Variants in PKP4 observed in about 807,000 individuals in gnomAD.
PKP4 encodes the protein plakophilin 4.
In PKP4, 90 loss-of-function variants were observed where a neutral mutation model predicts 145.1. That is an observed-to-expected ratio of 0.62 (90% CI 0.52 to 0.74). The LOEUF is 0.74. Among genes scored for constraint, PKP4 ranks in the 30% least tolerant of loss-of-function variants. PKP4 has a pLI of 0.00. For synonymous variants in PKP4, 563 were observed against 577.2 expected (o/e 0.98, Z 0.35); for missense variants, 1,340 against 1,482.7 (o/e 0.90, Z 1.58).
intron 15 of PKP4, among the ~76,000 whole-genome samples, chr2:158,664,578 A>G (rs1441429965): frequency 1.3e-5 from 2 of 152,240 alleles, no homozygotes; most frequent in Non-Finnish European, 2.9e-5. Flanking sequence ...CAAGATAGTG[A>G]AAAGCATTGA....
At chr2:158,656,936 A>G (rs1250800893) in intron 11 of PKP4, among the ~76,000 whole-genome samples, 1 of 152,182 alleles carries the variant, frequency 6.6e-6, no homozygotes, top group Non-Finnish European at 1.5e-5. Context: ...CAGCTGGAGC[A>G]GCAGTGCTCA....
In PKP4 at chr2:158,484,674, C is replaced by T. The variant is rs866924864; in HGVS notation, c.-6+27456C>T. Among the ~76,000 whole-genome samples, 6 of 152,150 alleles carry T rather than the reference C, an allele frequency of 3.9e-5. No homozygotes were observed. The South Asian group carries it at 1.2e-3, about 31-fold the overall frequency. On this transcript the variant is annotated intron_variant, in intron 1 of 21. Transcript: ENST00000389759. ...CTGTGATAAAGATGATGACAATCAG[C>T]CTTTATACCAAGTGGCATTTTATAG... is the stretch of plus-strand genomic sequence containing the variant.
chr2:158,526,117 C>G (rs1358104873), intron 1 of PKP4, among the ~76,000 whole-genome samples: 2 of 149,748 alleles, frequency 1.3e-5, no homozygotes, highest in African/African-American at 2.5e-5. Context: ...AGAGGGAATC[C>G]TCCCTAACTC....
chr2:158,538,615 C>G (rs1026685871), intron 2 of PKP4, among the ~76,000 whole-genome samples: 1 of 148,820 alleles, frequency 6.7e-6, no homozygotes, highest in African/African-American at 2.5e-5. Flanking sequence ...TCTTGGCTCA[C>G]TGCAACCTCC....
At chr2:158,626,181 T>G (rs2052769803) in intron 7 of PKP4, among the ~76,000 whole-genome samples, 1 of 152,232 alleles carries the variant, frequency 6.6e-6, no homozygotes. Flanking sequence ...CCTTTTACCC[T>G]CACCCAGTCC....
intron 4 of PKP4, among the ~76,000 whole-genome samples, chr2:158,609,229 T>G (rs2050920140): frequency 6.6e-6 from 1 of 152,180 alleles, no homozygotes; most frequent in Non-Finnish European, 1.5e-5. Context: ...TGACAATTGT[T>G]TTTTTTCTTT....
At chr2:158,654,914 A>T (rs146793730) in intron 11 of PKP4, among the ~76,000 whole-genome samples, 5 of 152,234 alleles carry the variant, frequency 3.3e-5, no homozygotes, top group Admixed American at 6.5e-5. Context: ...CAACATATAT[A>T]TAAAAGGATG....
At chr2:158,467,860 AT>A (rs1372231852) in intron 1 of PKP4, among the ~76,000 whole-genome samples, 4 of 152,196 alleles carry the variant, frequency 2.6e-5, no homozygotes, top group Admixed American at 1.3e-4. Context: ...AAATAAAAAA[AT>A]AAAAAAAGAA....
chr2:158,548,144 T>C (rs750566753), intron 2 of PKP4, among the ~76,000 whole-genome samples: 9 of 152,138 alleles, frequency 5.9e-5, no homozygotes, highest in South Asian at 2.1e-4. Flanking sequence ...TTTACTGAAA[T>C]AACATAAGGA....
At chr2:158,553,408 T>G (rs2045803505) in intron 2 of PKP4, among the ~76,000 whole-genome samples, 1 of 152,202 alleles carries the variant, frequency 6.6e-6, no homozygotes, top group Admixed American at 6.5e-5. Flanking sequence ...ACTTGTTTAA[T>G]GGCACAAATA....
chr2:158,625,030 C>A lies in PKP4; in HGVS notation c.756C>A (p.Asp252Glu), dbSNP rs751683792. 7 of 1,614,184 alleles carry A rather than the reference C, an allele frequency of 4.3e-6. No individual in the cohort carries two copies. Among genetic ancestry groups the A allele is most frequent in the Non-Finnish European group, 5.1e-6 (6 of 1,180,008 alleles). Residue 252 changes from aspartate (D) to glutamate (E), a missense_variant, in exon 7 of 22, where the codon GAC becomes GAA. Physicochemically the swap from Asp to Glu is conservative, Grantham distance 45. Transcript: ENST00000389759. ...GSGFGSPSVTDPRPLNPSAYS... is the reference protein window; with the variant it reads ...GSGFGSPSVTEPRPLNPSAYS... ...GATTTGGCTCTCCGTCAGTGACCGA[C>A]CCCCGACCTCTGAACCCCAGTGCAT... is the stretch of plus-strand genomic sequence containing the variant.
intron 2 of PKP4, among the ~76,000 whole-genome samples, chr2:158,559,918 G>A (rs2046379460): frequency 6.6e-6 from 1 of 151,980 alleles, no homozygotes. Context: ...CCAGGCTGGA[G>A]TGCAGTGGCG....
At chr2:158,618,125 G>A (rs977874324) in intron 4 of PKP4, among the ~76,000 whole-genome samples, 1 of 152,218 alleles carries the variant, frequency 6.6e-6, no homozygotes, top group African/African-American at 2.4e-5. Flanking sequence ...AGAGATTGCA[G>A]TGAGCCAAGA....
In PKP4 at chr2:158,662,975, G is replaced by C. The variant is rs759299602; in HGVS notation, c.2290G>C (p.Gly764Arg). 6.2e-7 allele frequency: 1 copy of C among 1,613,894 alleles called. No homozygotes were observed. Among genetic ancestry groups the C allele is most frequent in the East Asian group, 2.2e-5 (1 of 44,866 alleles). Residue 764 changes from glycine (G) to arginine (R), a missense_variant, in exon 14 of 22, where the codon GGA (glycine) becomes CGA (arginine). By Grantham distance (125) the Gly-to-Arg change is moderately radical (BLOSUM62 -2). Coordinates refer to ENST00000389759, the MANE Select transcript of PKP4 (RefSeq NM_003628.6). ...ELEVPQARLLGLNELDDLLGK... is the reference protein window; with the variant it reads ...ELEVPQARLLRLNELDDLLGK... ...GGAGGTGCCCCAGGCCCGGTTACTG[G>C]GACTGAACGAATTGGATGACTTACT...
chr2:158,653,254 T>C (rs2055573453), intron 11 of PKP4, among the ~76,000 whole-genome samples: 1 of 152,252 alleles, frequency 6.6e-6, no homozygotes. Context: ...TTGTTTTTTT[T>C]AATATCCTTT....
chr2:158,590,828 G>A (rs887074419), intron 3 of PKP4, among the ~76,000 whole-genome samples: 1 of 152,036 alleles, frequency 6.6e-6, no homozygotes, highest in Admixed American at 6.6e-5. Context: ...CAGCTGGAAA[G>A]GTAGTGAGAA....
chr2:158,483,105 T>TA (rs896722751), intron 1 of PKP4, among the ~76,000 whole-genome samples: 3 of 152,138 alleles, frequency 2.0e-5, no homozygotes, highest in African/African-American at 7.2e-5. Context: ...AGTGTGTCCT[T>TA]AAAAAAATCA....
chr2:158,652,509 G>A (rs1250654806), intron 11 of PKP4, among the ~76,000 whole-genome samples: 1 of 152,222 alleles, frequency 6.6e-6, no homozygotes, highest in African/African-American at 2.4e-5. Flanking sequence ...AGAAAGAAAT[G>A]AAGATGTGTG....
intron 3 of PKP4, among the ~76,000 whole-genome samples, chr2:158,599,704 G>T (rs939409317): frequency 6.6e-6 from 1 of 152,122 alleles, no homozygotes; most frequent in African/African-American, 2.4e-5. Context: ...GGAGCTATTG[G>T]ATATCAACTC....
Sources: allele counts gnomAD v4.1 joint callset (sites outside exome capture counted in the v4.1 genomes callset), GRCh38; gene constraint gnomAD v4.1.1; transcripts MANE v1.5; gene names NCBI Gene and HGNC (gene_info 2026-07-23, HGNC 2026-07-21).